Variants in SRGAP3 observed in about 807,000 individuals in gnomAD.
SRGAP3 encodes SLIT-ROBO Rho GTPase activating protein 3.
A neutral mutation model predicts 121.1 loss-of-function variants in SRGAP3; 39 were observed. The ratio of observed to expected loss-of-function variants is 0.32; its 90% confidence interval spans 0.25 to 0.42. The LOEUF (loss-of-function observed/expected upper bound fraction) is 0.42. Ranked by LOEUF, SRGAP3 falls within the 10% of genes least tolerant of loss-of-function variation. The probability of loss-of-function intolerance (pLI) is 1.00; values close to 1 mark genes in which losing one functional copy is unlikely to be tolerated. For missense variants in SRGAP3, 1,213 were observed against 1,470.6 expected, an observed-to-expected ratio of 0.82 and a Z score of 2.86; for synonymous variants, 601 against 570.0, an observed-to-expected ratio of 1.05 and a Z score of -0.77.
Position 9,015,718 on chromosome 3 carries a change from A to C in SRGAP3, c.1692T>G (p.Leu564=). 1 of 1,614,188 alleles carries C rather than the reference A, an allele frequency of 6.2e-7. No individual in the cohort carries two copies. The highest frequency in any genetic ancestry group is 8.5e-7 in the Non-Finnish European group (1 of 1,180,042). ...KNSFERGEDP[L]VDDQNERDIN... ...TATCTCGTTCATTTTGATCGTCCAC[A>C]AGGGGGTCTTCACCTGAGTGGAAAC... The change falls in exon 15 of 22, where the codon CTT becomes CTG. Residue 564 remains leucine, a synonymous_variant. Coordinates refer to ENST00000383836, the MANE Select transcript of SRGAP3 (RefSeq NM_014850.4).
chr3:9,148,873 G>A (rs1950114433), intron 1 of SRGAP3, among the ~76,000 whole-genome samples: 2 of 152,130 alleles, frequency 1.3e-5, no homozygotes, highest in Non-Finnish European at 2.9e-5. Context: ...TGGATTCCTT[G>A]GAATTATGTG....
chr3:9,064,617 C>T (rs1293044639), intron 4 of SRGAP3, 36 bp from the exon 5 acceptor site: 1 of 1,612,904 alleles, frequency 6.2e-7, no homozygotes, highest in South Asian at 1.1e-5. Context: ...CAGCAGCCAG[C>T]TATGGCCCAG....
At chr3:9,349,221 G>C (rs1167173438) in intron 1 of SRGAP3, 2 of 653,706 alleles carry the variant, frequency 3.1e-6, no homozygotes, top group Non-Finnish European at 5.8e-6. Flanking sequence ...CTGTCCCCAG[G>C]AGCACCCTCC....
intron 2 of SRGAP3, among the ~76,000 whole-genome samples, chr3:9,115,979 A>G (rs1428528373): frequency 6.6e-6 from 1 of 152,220 alleles, no homozygotes; most frequent in Non-Finnish European, 1.5e-5. Context: ...ACAATACACT[A>G]GGACCAAACT....
rs1318585087 is a variant in SRGAP3 at position 8,985,507 on chromosome 3, C to G, written c.*12G>C. The G allele has an allele frequency of 6.3e-7, 1 of 1,598,306 alleles. No individual in the cohort carries two copies. Among genetic ancestry groups the G allele is most frequent in the African/African-American group, 1.3e-5 (1 of 74,830 alleles). On this transcript the variant is annotated 3_prime_UTR_variant, in exon 22 of 22. Coordinates refer to ENST00000383836, the MANE Select transcript of SRGAP3 (RefSeq NM_014850.4). The surrounding 1 kb of genome is among the most constrained non-coding windows in gnomAD (Gnocchi z 5.1). ...CCACAGCGGGCCACGGCGGCGCGGC[C>G]CATCCTGCAGGTCACATGGTGCCCG...
At chr3:9,021,261 G>T (rs1212571532) in intron 14 of SRGAP3, among the ~76,000 whole-genome samples, 1 of 152,196 alleles carries the variant, frequency 6.6e-6, no homozygotes, top group Admixed American at 6.5e-5. Flanking sequence ...GAGAGCCATT[G>T]CCTCCTTGGC....
chr3:9,044,683 C>A (rs560113417), intron 10 of SRGAP3, among the ~76,000 whole-genome samples: 1 of 152,180 alleles, frequency 6.6e-6, no homozygotes, highest in African/African-American at 2.4e-5. Context: ...AGGCCACTGA[C>A]GCAGCTGTAA....
chr3:9,050,821 G>A (rs528173092), intron 9 of SRGAP3, among the ~76,000 whole-genome samples: 3 of 152,152 alleles, frequency 2.0e-5, no homozygotes, highest in Non-Finnish European at 4.4e-5. Flanking sequence ...AATCAGCGTG[G>A]GCTGCTTTGC....
At chr3:9,351,223 T>C (rs533603693) in intron 1 of SRGAP3, among the ~76,000 whole-genome samples, 1 of 152,254 alleles carries the variant, frequency 6.6e-6, no homozygotes, top group East Asian at 1.9e-4. Flanking sequence ...TAGAAAGCAA[T>C]AGTGGTACTT....
At chr3:9,010,500 C>CGGG in intron 17 of SRGAP3, 113 bp from the exon 18 acceptor site, 3 of 1,086,074 alleles carry the variant, frequency 2.8e-6, no homozygotes, top group South Asian at 1.3e-5. Flanking sequence ...AGCTCAGATG[C>CGGG]AGGCCTATAC....
At chr3:9,132,440 G>A (rs1281432273) in intron 1 of SRGAP3, among the ~76,000 whole-genome samples, 2 of 152,008 alleles carry the variant, frequency 1.3e-5, no homozygotes, top group African/African-American at 2.4e-5. Context: ...CCCAACCCTT[G>A]GCAAACCCTA....
At chr3:9,172,445 T>C (rs1951017803) in intron 1 of SRGAP3, among the ~76,000 whole-genome samples, 1 of 152,206 alleles carries the variant, frequency 6.6e-6, no homozygotes. Flanking sequence ...AAAGACGCTA[T>C]TTCCAAATAA....
intron 3 of SRGAP3, among the ~76,000 whole-genome samples, chr3:9,315,462 C>T (rs1012709400): frequency 2.6e-5 from 4 of 152,194 alleles, no homozygotes; most frequent in African/African-American, 9.7e-5. Flanking sequence ...GTGAGTGGAA[C>T]CTCACAGAGA....
At chr3:9,028,269 G>C (rs1944310502) in intron 12 of SRGAP3, 9 of 1,230,038 alleles carry the variant, frequency 7.3e-6, no homozygotes, top group Non-Finnish European at 1.0e-5. Flanking sequence ...GTCCTGGGGA[G>C]CCTGCCAAAC....
At chr3:9,113,141 T>TG (rs1368273671) in intron 2 of SRGAP3, among the ~76,000 whole-genome samples, 2 of 152,144 alleles carry the variant, frequency 1.3e-5, no homozygotes, top group Non-Finnish European at 2.9e-5. Flanking sequence ...AAGACGTGCA[T>TG]GGGGCTGCGT....
intron 3 of SRGAP3, among the ~76,000 whole-genome samples, chr3:9,300,830 C>G (rs2125274540): frequency 6.6e-6 from 1 of 152,302 alleles, no homozygotes; most frequent in South Asian, 2.1e-4. Context: ...AGACAATGCA[C>G]AGGACCGCTG....
chr3:9,210,859 T>G (rs149613754), intron 1 of SRGAP3, among the ~76,000 whole-genome samples: 4 of 152,110 alleles, frequency 2.6e-5, no homozygotes, highest in African/African-American at 4.8e-5. Context: ...AATTCTCACA[T>G]GCAAAGGTGT....
intron 10 of SRGAP3, among the ~76,000 whole-genome samples, chr3:9,044,667 A>AT (rs1186370728): frequency 6.6e-6 from 1 of 152,240 alleles, no homozygotes; most frequent in Non-Finnish European, 1.5e-5. Context: ...CTCATACGGC[A>AT]TAAAAAGGCC....
At chr3:9,332,223 A>G (rs1313456446) in intron 1 of SRGAP3, among the ~76,000 whole-genome samples, 1 of 152,102 alleles carries the variant, frequency 6.6e-6, no homozygotes, top group African/African-American at 2.4e-5. Context: ...AGGTTCAAAC[A>G]ATTTTCATGC....
Sources: gnomAD v4.1 joint callset for allele counts (sites outside exome capture counted in the v4.1 genomes callset) on GRCh38, gnomAD v4.1.1 for gene constraint, Gnocchi (gnomAD v3.1) non-coding constraint, MANE v1.5 for transcripts, NCBI Gene and HGNC (gene_info 2026-07-23, HGNC 2026-07-21) for gene names.